TBL1Y: variants seen among roughly 807,000 people sequenced by gnomAD.
The protein encoded by TBL1Y is transducin beta like 1 Y-linked.
TBL1Y carries 15 observed loss-of-function variants against 12.0 expected under a neutral mutation model. The ratio of observed to expected loss-of-function variants is 1.25; its 90% CI spans 0.83 to 1.92. TBL1Y has a LOEUF of 1.92. TBL1Y is among the 40% of genes most tolerant of loss of function. The pLI is 0.00. For missense variants in TBL1Y, 148 were observed against 116.7 expected (o/e 1.27, Z -1.24); for synonymous variants, 53 against 42.6 (o/e 1.24, Z -0.95).
chrY:7,031,561 C>T, intron 6 of TBL1Y, among the ~76,000 whole-genome samples: 1 of 32,825 alleles, frequency 3.0e-5, no homozygotes, highest in Non-Finnish European at 7.5e-5. Context: ...GTTGTGAGGG[C>T]GGTGGTGTCA....
intron 2 of TBL1Y, among the ~76,000 whole-genome samples, chrY:6,913,040 G>T: frequency 3.1e-5 from 1 of 31,881 alleles, no homozygotes; most frequent in African/African-American, 1.2e-4. Context: ...TGGGCCCAGG[G>T]CACACCACGA....
intron 4 of TBL1Y, among the ~76,000 whole-genome samples, chrY:7,018,831 G>A (rs771441353): frequency 2.7e-4 from 9 of 33,567 alleles, no homozygotes; most frequent in Non-Finnish European, 5.2e-4. Flanking sequence ...GGGAGGAGCA[G>A]GCCTGGTGGA....
At chrY:6,938,691 A>T (rs2011922031) in intron 2 of TBL1Y, among the ~76,000 whole-genome samples, 1 of 33,721 alleles carries the variant, frequency 3.0e-5, no homozygotes, top group Non-Finnish European at 7.3e-5. Context: ...TGACTTCAAG[A>T]ATGAAGCCAT....
chrY:7,073,557 C>A (rs752443604), intron 12 of TBL1Y, among the ~76,000 whole-genome samples: 6 of 33,139 alleles, frequency 1.8e-4, no homozygotes, highest in African/African-American at 7.0e-4. Context: ...TGTTAGATGG[C>A]TTTGACATGG....
intron 7 of TBL1Y, among the ~76,000 whole-genome samples, chrY:7,062,811 C>G: frequency 1.8e-4 from 6 of 33,575 alleles, no homozygotes; most frequent in Non-Finnish European, 7.4e-5. Context: ...TTCAGTCCCC[C>G]ACAGTGGGGA....
At chrY:7,017,355 A>T in intron 4 of TBL1Y, among the ~76,000 whole-genome samples, 2 of 33,154 alleles carry the variant, frequency 6.0e-5, no homozygotes, top group Non-Finnish European at 1.5e-4. Flanking sequence ...AACAACAAAA[A>T]CCATGTAGGT....
At chrY:6,927,893 T>G (rs760093138) in intron 2 of TBL1Y, among the ~76,000 whole-genome samples, 22 of 33,369 alleles carry the variant, frequency 6.6e-4, no homozygotes, top group South Asian at 1.3e-3. Flanking sequence ...AGAGTTTTTT[T>G]TTGTTGTTGT....
At chrY:7,027,566 C>A in intron 6 of TBL1Y, among the ~76,000 whole-genome samples, 1 of 31,773 alleles carries the variant, frequency 3.1e-5, no homozygotes, top group African/African-American at 1.2e-4. Flanking sequence ...CCTGAAGTGC[C>A]AGCTAGTCGA....
chrY:7,030,718 T>C, intron 6 of TBL1Y, among the ~76,000 whole-genome samples: 2 of 33,490 alleles, frequency 6.0e-5, no homozygotes, highest in Non-Finnish European at 1.5e-4. Flanking sequence ...GATAGATAGA[T>C]AGATAGATAG....
At chrY:6,976,121 C>A (rs908090938) in intron 2 of TBL1Y, among the ~76,000 whole-genome samples, 1 of 32,367 alleles carries the variant, frequency 3.1e-5, no homozygotes, top group Non-Finnish European at 7.5e-5. Flanking sequence ...TTAGTAGAGA[C>A]AATAGCATTT....
intron 2 of TBL1Y, among the ~76,000 whole-genome samples, chrY:6,938,957 AC>A (rs2011923866): frequency 3.0e-5 from 1 of 33,758 alleles, no homozygotes; most frequent in South Asian, 6.7e-4. Context: ...TGTGAGTGTT[AC>A]AGCTCATAAA....
chrY:7,016,605 C>G, intron 4 of TBL1Y, among the ~76,000 whole-genome samples: 1 of 32,911 alleles, frequency 3.0e-5, no homozygotes, highest in Non-Finnish European at 7.4e-5. Context: ...AGGTAGTGAG[C>G]AGATGCAGCC....
chrY:7,046,135 T>G (rs939550307), intron 7 of TBL1Y, among the ~76,000 whole-genome samples: 3 of 33,008 alleles, frequency 9.1e-5, no homozygotes, highest in Admixed American at 5.6e-4. Context: ...TTTCAGTTCT[T>G]GTCATTCCAG....
intron 7 of TBL1Y, among the ~76,000 whole-genome samples, chrY:7,062,381 A>G (rs1603046048): frequency 2.9e-5 from 1 of 34,092 alleles, no homozygotes; most frequent in African/African-American, 1.1e-4. Flanking sequence ...TTTGACCCAA[A>G]CTTTTGCCAG....
At position 6,972,669 on chromosome Y, in the gene TBL1Y, G is replaced by A. The variant is rs539682994; in HGVS notation, c.-265-5544G>A. On this transcript the variant is annotated intron_variant, in intron 2 of 18. Transcript: ENST00000383032. Reference sequence around the variant, plus strand: ...TGAATCACATGACAGCTCAGTCTTCGATCCCTGGGTGCTGCAGAGAGGGAA... The same window carrying A: ...TGAATCACATGACAGCTCAGTCTTCAATCCCTGGGTGCTGCAGAGAGGGAA... 5.7e-3 allele frequency among the ~76,000 whole-genome samples: 191 copies of A among 33,368 alleles called. No homozygotes were observed. The East Asian group carries it at 0.14, about 24-fold the overall frequency. 89.5% of individuals were successfully genotyped at this position (33,368 alleles called of 37,273 possible).
chrY:7,034,213 AGT>A (rs2012673986), intron 6 of TBL1Y, among the ~76,000 whole-genome samples: 141 of 33,255 alleles, frequency 4.2e-3, no homozygotes, highest in African/African-American at 0.016. Flanking sequence ...CCAAATCATG[AGT>A]GAACTCCCAT....
intron 2 of TBL1Y, among the ~76,000 whole-genome samples, chrY:6,965,379 C>T: frequency 3.0e-5 from 1 of 32,824 alleles, no homozygotes; most frequent in Admixed American, 2.8e-4. Context: ...GCTCCTGCCT[C>T]TTCTTCACAA....
At chrY:6,921,383 A>G (rs764168858) in intron 2 of TBL1Y, among the ~76,000 whole-genome samples, 1 of 33,552 alleles carries the variant, frequency 3.0e-5, no homozygotes, top group South Asian at 7.1e-4. Context: ...GTTTGATCAT[A>G]TAGCCTCCAC....
chrY:6,988,066 A>T, intron 3 of TBL1Y, among the ~76,000 whole-genome samples: 1 of 33,725 alleles, frequency 3.0e-5, no homozygotes. Flanking sequence ...CACACCCATC[A>T]GGAGGGATTG....
Sources: allele counts gnomAD v4.1 joint callset (sites outside exome capture counted in the v4.1 genomes callset), GRCh38; gene constraint gnomAD v4.1.1; transcripts MANE v1.5; gene names NCBI Gene and HGNC (gene_info 2026-07-23, HGNC 2026-07-21).